Variants in ASGR2 observed in about 807,000 individuals in gnomAD.
ASGR2 encodes asialoglycoprotein receptor 2.
A neutral mutation model predicts 32.3 loss-of-function variants in ASGR2; 34 were observed. The observed-to-expected ratio is 1.05, with a 90% confidence interval of 0.80 to 1.40. The LOEUF (loss-of-function observed/expected upper bound fraction) is 1.40. Ranked by LOEUF, ASGR2 falls within the 40% of genes most tolerant of loss-of-function variation. The probability of loss-of-function intolerance (pLI) is 0.00; values close to 1 mark genes in which losing one functional copy is unlikely to be tolerated. For synonymous variants in ASGR2, 143 were observed against 150.0 expected (o/e 0.95, Z 0.34); for missense variants, 385 against 386.4 (o/e 1.00, Z 0.03).
intron 7 of ASGR2, 27 bp downstream of exon 7, chr17:7,106,973 T>C: frequency 6.2e-7 from 1 of 1,612,192 alleles, no homozygotes; most frequent in South Asian, 1.1e-5. Context: ...AAGGGCTTCC[T>C]CCTGCCTGTG....
chr17:7,111,967 C>A, intron 2 of ASGR2, among the ~76,000 whole-genome samples: 1 of 133,786 alleles, frequency 7.5e-6, no homozygotes, highest in Non-Finnish European at 1.6e-5. Context: ...CGCCTGAGCC[C>A]AGGAGGTGGA....
chr17:7,104,348 TAAAAAA>T (rs71383461), intron 7 of ASGR2, among the ~76,000 whole-genome samples: 3 of 79,808 alleles, frequency 3.8e-5, no homozygotes, highest in African/African-American at 1.1e-4. Flanking sequence ...AACTCTGTCT[TAAAAAA>T]AAAAAAAAAA....
Position 7,107,140 on chromosome 17 carries a change from T to C in ASGR2, c.508A>G (p.Thr170Ala), listed in dbSNP as rs1597381789. 1.9e-6 allele frequency: 3 copies of C among 1,613,994 alleles called. No homozygotes were observed. The East Asian group carries it at 6.7e-5, about 36-fold the overall frequency. ...TCCACCCAGTTGACGGGGCAGCAGG[T>C]CCTTTGGGAGCCTGAGGGGACAGGG... ...ELLHSNGSQR[T>A]CCPVNWVEHQ... Residue 170 changes from threonine to alanine, a missense_variant, in exon 7 of 9, where the codon ACC becomes GCC. Thr to Ala is a moderately conservative substitution (Grantham distance 58). Coordinates refer to ENST00000691900, the MANE Select transcript of ASGR2 (RefSeq NM_001201352.2). The surrounding 1 kb of genome is among the most constrained non-coding windows in gnomAD (Gnocchi z 5.0).
In ASGR2 at chr17:7,114,485, C is replaced by T; in HGVS notation, c.-71+130G>A. The T allele has an allele frequency of 1.5e-6, 2 of 1,329,184 alleles. No individual in the cohort carries two copies. Among genetic ancestry groups the T allele is most frequent in the Non-Finnish European group, 1.9e-6 (2 of 1,035,750 alleles). The allele number at this position is 1,329,184 out of a possible 1,614,324, so 82.3% of individuals were successfully genotyped here. ...GGAGACCGCTTGGGCCTTGACCTGGCCAGGAGACCCCTCCCCACGCTCATG... is the reference window on the plus strand; with the variant it reads ...GGAGACCGCTTGGGCCTTGACCTGGTCAGGAGACCCCTCCCCACGCTCATG... On this transcript the variant is annotated intron_variant, in intron 1 of 8. Coordinates refer to ENST00000691900, the MANE Select transcript of ASGR2 (RefSeq NM_001201352.2). The surrounding 1 kb of genome is among the most constrained non-coding windows in gnomAD (Gnocchi z 4.5).
At chr17:7,112,346 C>T (rs1220001214) in intron 2 of ASGR2, among the ~76,000 whole-genome samples, 3 of 151,824 alleles carry the variant, frequency 2.0e-5, no homozygotes, top group African/African-American at 4.8e-5. Context: ...CCCCACCACC[C>T]GGGCTGCTGG....
At chr17:7,115,097 C>T (rs1320178395), upstream of ASGR2, 14 of 811,234 alleles carry the variant, frequency 1.7e-5, no homozygotes, top group South Asian at 5.0e-4. This position sits in a 1 kb window ranked among gnomAD's most constrained non-coding sequence, Gnocchi z 4.2. Context: ...AGGATCACAG[C>T]GACCAGTTCT....
Position 7,104,577 on chromosome 17 carries a change from G to A in ASGR2, c.649-2381C>T, listed in dbSNP as rs1913356338. The stretch of plus-strand genomic sequence containing the variant: ...TGAGGCAGGAGAATTGCTTGAACCG[G>A]GAGGCAGAGCTTGCAATGAGTCGAG... On this transcript the variant is annotated intron_variant, in intron 7 of 8. Transcript: ENST00000691900. 3.3e-5 allele frequency among the ~76,000 whole-genome samples: 5 copies of A among 152,014 alleles called. No individual in the cohort carries two copies. In the South Asian group the frequency reaches 1.0e-3, roughly 32 times the overall value.
rs57814106 is a variant in ASGR2, at chr17:7,114,519, C to T, written c.-71+96G>A. 8.1e-7 allele frequency: 1 copy of T among 1,238,136 alleles called. No homozygotes were observed. Among genetic ancestry groups the T allele is most frequent in the Admixed American group, 3.9e-5 (1 of 25,764 alleles). The allele number at this position is 1,238,136 out of a possible 1,614,324, so 76.7% of individuals were successfully genotyped here. A position where few individuals can be genotyped will look rare whatever the true frequency, so the allele number is the denominator to read the frequency against. On this transcript the variant is annotated intron_variant, in intron 1 of 8. Coordinates refer to ENST00000691900, the MANE Select transcript of ASGR2 (RefSeq NM_001201352.2). This position sits in a 1 kb window ranked among gnomAD's most constrained non-coding sequence, Gnocchi z 4.5. ...CCCTCCCCACGCTCATGGACCCGAC[C>T]ACCCACAGCTTCCCATGGGGTCCTC...
rs1914916659 is a variant in ASGR2 at position 7,113,064 on chromosome 17, T to A, written c.124+1053A>T. 6.6e-6 allele frequency among the ~76,000 whole-genome samples: 1 copy of A among 151,686 alleles called. No homozygotes were observed. Among genetic ancestry groups the A allele is most frequent in the Non-Finnish European group, 1.5e-5 (1 of 67,948 alleles). ...GTCCTAACTACTTGGGAGGCTGAGG[T>A]GGGAGGATGGCTTGAGCCCAGGAGT... On this transcript the variant is annotated intron_variant, in intron 2 of 8. Transcript: ENST00000691900. This position sits in a 1 kb window ranked among gnomAD's most constrained non-coding sequence, Gnocchi z 5.1.
At position 7,113,590 on chromosome 17, in the gene ASGR2, CACA is replaced by C. The variant is rs1469608705; in HGVS notation, c.124+524_124+526del. Among the ~76,000 whole-genome samples, 4 of 151,472 alleles carry C rather than the reference CACA, an allele frequency of 2.6e-5. No homozygotes were observed. The East Asian group carries it at 5.8e-4, about 22-fold the overall frequency. On this transcript the variant is annotated intron_variant, in intron 2 of 8. Coordinates refer to ENST00000691900, the MANE Select transcript of ASGR2 (RefSeq NM_001201352.2). The surrounding 1 kb of genome is among the most constrained non-coding windows in gnomAD (Gnocchi z 5.1). The stretch of plus-strand genomic sequence containing the variant: ...CACACAACATACACACACTCACATA[CACA>C]ACATACACTCGCACAACATACACAC...
rs1914191050 is a variant in ASGR2 at position 7,108,628 on chromosome 17, C to A, written c.242-71G>T. ...CCCCATCACTGTCCATGTGACTGGC[C>A]CCTCAATGTCCCCGCATTTGCCCCA... On this transcript the variant is annotated intron_variant, in intron 3 of 8. Coordinates refer to ENST00000691900, the MANE Select transcript of ASGR2 (RefSeq NM_001201352.2). The surrounding 1 kb of genome is among the most constrained non-coding windows in gnomAD (Gnocchi z 4.9). 1.1e-5 allele frequency: 17 copies of A among 1,600,036 alleles called. No individual in the cohort carries two copies. The highest frequency in any genetic ancestry group is 1.3e-5 in the African/African-American group (1 of 74,674).
Position 7,108,603 on chromosome 17 carries a change from C to A in ASGR2, c.242-46G>T. ...GCAGGATGAGGCAGAGGGGCCGTGT[C>A]CCCATCACTGTCCATGTGACTGGCC... On this transcript the variant is annotated intron_variant, in intron 3 of 8. Transcript: ENST00000691900. This position sits in a 1 kb window ranked among gnomAD's most constrained non-coding sequence, Gnocchi z 4.9. The A allele has an allele frequency of 6.2e-7, 1 of 1,603,660 alleles. No individual in the cohort carries two copies. The highest frequency in any genetic ancestry group is 1.1e-5 in the South Asian group (1 of 90,076).
At chr17:7,115,028 C>T (rs890181098), upstream of ASGR2, 8 of 983,902 alleles carry the variant, frequency 8.1e-6, no homozygotes, top group African/African-American at 5.2e-5. The surrounding 1 kb of genome is among the most constrained non-coding windows in gnomAD (Gnocchi z 4.2). Flanking sequence ...CTCCCTCCCC[C>T]TCTCACTTCC....
intron 7 of ASGR2, among the ~76,000 whole-genome samples, chr17:7,105,613 A>G (rs1421600459): frequency 6.6e-6 from 1 of 152,118 alleles, no homozygotes; most frequent in Non-Finnish European, 1.5e-5. Flanking sequence ...CGGGAGGCAC[A>G]GGTTACAGTG....
chr17:7,104,135 G>C (rs1913259783), intron 7 of ASGR2, among the ~76,000 whole-genome samples: 1 of 151,542 alleles, frequency 6.6e-6, no homozygotes, highest in African/African-American at 2.4e-5. Context: ...AATCACCTGA[G>C]ATCGGGAATT....
In ASGR2 at chr17:7,108,366, AC is replaced by A; in HGVS notation, c.337+95del. On this transcript the variant is annotated intron_variant, in intron 4 of 8. Transcript: ENST00000691900. This position sits in a 1 kb window ranked among gnomAD's most constrained non-coding sequence, Gnocchi z 4.9. ...CCCCTGGACGCCTTGCCCAGCCTGC[AC>A]CCCCACGGCACCCCACACAGCCCTG... 7.5e-7 allele frequency: 1 copy of A among 1,330,492 alleles called. No homozygotes were observed. The highest frequency in any genetic ancestry group is 1.4e-5 in the South Asian group (1 of 71,420). The allele number at this position is 1,330,492 out of a possible 1,614,324, so 82.4% of individuals were successfully genotyped here. A position where few individuals can be genotyped will look rare whatever the true frequency, so the allele number is the denominator to read the frequency against.
chr17:7,109,202 C>T (rs1237731688), intron 2 of ASGR2, among the ~76,000 whole-genome samples: 1 of 151,638 alleles, frequency 6.6e-6, no homozygotes, highest in Non-Finnish European at 1.5e-5. Context: ...GGGAGACGCA[C>T]AGGGGGCGGG....
rs2151722696 is a variant in ASGR2 at position 7,108,429 on chromosome 17, G to T, written c.337+33C>A. On this transcript the variant is annotated intron_variant, in intron 4 of 8. Transcript: ENST00000691900. This position sits in a 1 kb window ranked among gnomAD's most constrained non-coding sequence, Gnocchi z 4.9. The stretch of plus-strand genomic sequence containing the variant: ...GCACTGAGCCCAGCAAACCTGTGCG[G>T]ATAAATGAGAACCCAGCCGTCCAGC... The T allele has an allele frequency of 3.2e-6, 5 of 1,556,354 alleles. No individual in the cohort carries two copies. Among genetic ancestry groups the T allele is most frequent in the Non-Finnish European group, 4.4e-6 (5 of 1,148,532 alleles).
Position 7,108,225 on chromosome 17 carries a change from C to T in ASGR2, c.337+237G>A, listed in dbSNP as rs1914119091. The stretch of plus-strand genomic sequence containing the variant: ...CGATGGGCCTGCCACACTCGATTTG[C>T]TCACAGGCCCAAGACATGGTGCCTT... On this transcript the variant is annotated intron_variant, in intron 4 of 8. Coordinates refer to ENST00000691900, the MANE Select transcript of ASGR2 (RefSeq NM_001201352.2). The surrounding 1 kb of genome is among the most constrained non-coding windows in gnomAD (Gnocchi z 4.9). Among the ~76,000 whole-genome samples the T allele has an allele frequency of 6.6e-6, 1 of 152,146 alleles. No individual in the cohort carries two copies. Among genetic ancestry groups the T allele is most frequent in the South Asian group, 2.1e-4 (1 of 4,830 alleles).
Sources: gnomAD v4.1 joint callset for allele counts (sites outside exome capture counted in the v4.1 genomes callset) on GRCh38, gnomAD v4.1.1 for gene constraint, Gnocchi (gnomAD v3.1) non-coding constraint, MANE v1.5 for transcripts, NCBI Gene and HGNC (gene_info 2026-07-23, HGNC 2026-07-21) for gene names.